COL25A1: variants seen among roughly 807,000 people sequenced by gnomAD.
The protein encoded by COL25A1 is collagen type XXV alpha 1 chain.
A neutral mutation model predicts 128.4 loss-of-function variants in COL25A1; 103 were observed. That is an observed-to-expected ratio of 0.80 (90% CI 0.68 to 0.94). The LOEUF (loss-of-function observed/expected upper bound fraction) is 0.94. Ranked by LOEUF, COL25A1 falls within the 40% of genes least tolerant of loss-of-function variation. The pLI, the probability that COL25A1 is intolerant of heterozygous loss-of-function variation, is 0.00. For synonymous variants in COL25A1, 279 were observed against 277.2 expected (o/e 1.01, Z -0.06); for missense variants, 745 against 840.0 (o/e 0.89, Z 1.40).
intron 6 of COL25A1, among the ~76,000 whole-genome samples, chr4:109,009,222 C>T (rs28435280): frequency 0.51 from 77,723 of 152,108 alleles, 22,606 homozygotes; most frequent in African/African-American, 0.78. Context: ...TCAAATTTAG[C>T]AAACAAGCTA....
At chr4:109,211,290 CTATATATATATATATA>C (rs753994624) in intron 3 of COL25A1, among the ~76,000 whole-genome samples, 4,279 of 102,512 alleles carry the variant, frequency 0.042, 159 homozygotes, top group African/African-American at 0.058. Context: ...ATATATGAAA[CTATATATATATATATA>C]TATATATATA....
At chr4:109,250,886 T>C (rs1780599349) in intron 3 of COL25A1, among the ~76,000 whole-genome samples, 1 of 152,202 alleles carries the variant, frequency 6.6e-6, no homozygotes, top group African/African-American at 2.4e-5. Flanking sequence ...AAACCATACT[T>C]AATCTCCAAT....
At chr4:109,100,500 G>A (rs962434358) in intron 3 of COL25A1, among the ~76,000 whole-genome samples, 2 of 151,644 alleles carry the variant, frequency 1.3e-5, no homozygotes, top group Non-Finnish European at 2.9e-5. Flanking sequence ...CTGAAATAAG[G>A]AGAATTCATT....
intron 5 of COL25A1, among the ~76,000 whole-genome samples, chr4:109,047,853 C>T (rs192733779): frequency 0.027 from 4,101 of 151,542 alleles, 85 homozygotes; most frequent in Non-Finnish European, 0.044. Flanking sequence ...CTGCCTCAGC[C>T]GCCCGAGTAG....
chr4:109,007,105 C>T (rs1052175877), intron 6 of COL25A1, among the ~76,000 whole-genome samples: 9 of 152,058 alleles, frequency 5.9e-5, no homozygotes, highest in Admixed American at 1.3e-4. Flanking sequence ...ACCCATTTTG[C>T]TGAAGAGTAA....
At chr4:109,218,357 GTTTTTTTTT>G (rs34056401) in intron 3 of COL25A1, among the ~76,000 whole-genome samples, 11 of 73,530 alleles carry the variant, frequency 1.5e-4, no homozygotes, top group African/African-American at 5.6e-4. Flanking sequence ...GTTTTTTGGG[GTTTTTTTTT>G]TTTTTTTTTT....
At chr4:108,873,477 T>C (rs1199275324) in intron 19 of COL25A1, among the ~76,000 whole-genome samples, 1 of 152,030 alleles carries the variant, frequency 6.6e-6, no homozygotes, top group African/African-American at 2.4e-5. Flanking sequence ...TAAATGCTTG[T>C]TATTATTGTT....
intron 3 of COL25A1, among the ~76,000 whole-genome samples, chr4:109,138,247 T>C (rs1260346540): frequency 1.3e-5 from 2 of 152,218 alleles, no homozygotes; most frequent in East Asian, 3.8e-4. Context: ...TTTGGTTTTT[T>C]GTTCCTGTGT....
At chr4:109,150,923 G>A (rs1771436818) in intron 3 of COL25A1, among the ~76,000 whole-genome samples, 1 of 151,952 alleles carries the variant, frequency 6.6e-6, no homozygotes. Context: ...ATTAAGCTCT[G>A]CAAATGCAGG....
intron 3 of COL25A1, among the ~76,000 whole-genome samples, chr4:109,235,422 T>C (rs921965969): frequency 1.3e-5 from 2 of 152,084 alleles, no homozygotes; most frequent in Non-Finnish European, 2.9e-5. Flanking sequence ...TCTGAGAAGA[T>C]ACTCATATCT....
chr4:108,860,570 TCC>T (rs1158199313), intron 23 of COL25A1, among the ~76,000 whole-genome samples: 2 of 152,152 alleles, frequency 1.3e-5, no homozygotes, highest in Non-Finnish European at 2.9e-5. Context: ...ATGTCATAAT[TCC>T]CTTTTTTTTT....
intron 13 of COL25A1, among the ~76,000 whole-genome samples, chr4:108,916,583 T>C (rs1744902289): frequency 1.3e-5 from 2 of 151,974 alleles, no homozygotes; most frequent in South Asian, 4.2e-4. Flanking sequence ...ATACAAGTTT[T>C]GTTTCTCACC....
intron 3 of COL25A1, among the ~76,000 whole-genome samples, chr4:109,212,848 C>T (rs553307173): frequency 6.6e-6 from 1 of 152,166 alleles, no homozygotes; most frequent in African/African-American, 2.4e-5. Flanking sequence ...ATTTCAGTAA[C>T]AGGAATGAAG....
chr4:109,106,361 A>G (rs1766428811), intron 3 of COL25A1, among the ~76,000 whole-genome samples: 2 of 152,172 alleles, frequency 1.3e-5, no homozygotes, highest in Admixed American at 1.3e-4. Flanking sequence ...GTACGTTGGC[A>G]TTTGTATTTA....
intron 3 of COL25A1, among the ~76,000 whole-genome samples, chr4:109,234,956 T>C (rs919142583): frequency 1.3e-5 from 2 of 152,068 alleles, no homozygotes; most frequent in Non-Finnish European, 2.9e-5. Flanking sequence ...AAATCTGTGA[T>C]TGCTGGCAGT....
At chr4:108,972,321 GC>G (rs1751998889) in intron 8 of COL25A1, among the ~76,000 whole-genome samples, 1 of 152,144 alleles carries the variant, frequency 6.6e-6, no homozygotes, top group South Asian at 2.1e-4. Context: ...AGAATACCGT[GC>G]CTAAATAGAG....
At chr4:109,177,502 C>G (rs927826153) in intron 3 of COL25A1, among the ~76,000 whole-genome samples, 1 of 152,318 alleles carries the variant, frequency 6.6e-6, no homozygotes, top group Admixed American at 6.5e-5. Context: ...AACCAGCCCC[C>G]ACCCCAGACC....
intron 14 of COL25A1, among the ~76,000 whole-genome samples, chr4:108,900,143 T>C (rs1742668372): frequency 1.3e-5 from 2 of 152,284 alleles, no homozygotes; most frequent in Middle Eastern, 3.4e-3. Context: ...TCTGCATTTC[T>C]GGTCACCTTC....
chr4:109,153,102 T>C (rs542411160), intron 3 of COL25A1, among the ~76,000 whole-genome samples: 2 of 152,268 alleles, frequency 1.3e-5, no homozygotes, highest in South Asian at 2.1e-4. Context: ...AAAAGTACTC[T>C]GGGCCGGGCG....
Sources: gnomAD v4.1 joint callset for allele counts (sites outside exome capture counted in the v4.1 genomes callset) on GRCh38, gnomAD v4.1.1 for gene constraint, MANE v1.5 for transcripts, NCBI Gene and HGNC (gene_info 2026-07-23, HGNC 2026-07-21) for gene names.